PGBD5: variants seen among roughly 807,000 people sequenced by gnomAD.
PGBD5 encodes the protein piggyBac transposable element derived 5.
PGBD5 carries 14 observed loss-of-function variants against 47.9 expected under a neutral mutation model. The observed-to-expected ratio is 0.29, with a 90% confidence interval of 0.19 to 0.46. The LOEUF (loss-of-function observed/expected upper bound fraction) is 0.46. Among genes scored for constraint, PGBD5 ranks in the 20% least tolerant of loss-of-function variants. The probability of loss-of-function intolerance (pLI) is 1.00; values close to 1 mark genes in which losing one functional copy is unlikely to be tolerated. For missense variants in PGBD5, 635 were observed against 716.0 expected, an observed-to-expected ratio of 0.89 and a Z score of 1.29; for synonymous variants, 316 against 306.3, an observed-to-expected ratio of 1.03 and a Z score of -0.33.
At chr1:230,413,821 A>G (rs1261246644) in intron 1 of PGBD5, among the ~76,000 whole-genome samples, 1 of 152,144 alleles carries the variant, frequency 6.6e-6, no homozygotes, top group Non-Finnish European at 1.5e-5. Context: ...ACCAGGAGTT[A>G]TGCTGTTTGA....
intron 5 of PGBD5, among the ~76,000 whole-genome samples, chr1:230,330,675 G>A (rs1006992721): frequency 6.6e-6 from 1 of 152,200 alleles, no homozygotes; most frequent in African/African-American, 2.4e-5. Flanking sequence ...CACCTGAAGT[G>A]CTCACTGAGC....
chr1:230,354,461 A>G (rs1442620441), intron 2 of PGBD5, among the ~76,000 whole-genome samples: 1 of 152,220 alleles, frequency 6.6e-6, no homozygotes, highest in Non-Finnish European at 1.5e-5. Context: ...GAGGCCAGAG[A>G]GCAAGGGAGT....
chr1:230,406,160 T>G (rs963059694), intron 1 of PGBD5, among the ~76,000 whole-genome samples: 15 of 151,748 alleles, frequency 9.9e-5, no homozygotes, highest in Non-Finnish European at 2.1e-4. Flanking sequence ...TACAAAAAAT[T>G]AGCCGGGCAT....
chr1:230,368,132 G>A (rs763909499), intron 1 of PGBD5: 2 of 1,367,914 alleles, frequency 1.5e-6, no homozygotes, highest in East Asian at 4.5e-5. Flanking sequence ...AGATGGTGGT[G>A]GTGAGGAGGA....
In PGBD5 at chr1:230,316,815, G is replaced by A. The variant is rs79237194; in HGVS notation, c.*6610C>T. The A allele has an allele frequency of 6.6e-6, 1 of 152,308 alleles. No individual in the cohort carries two copies. The highest frequency in any genetic ancestry group is 1.5e-5 in the Non-Finnish European group (1 of 68,060). The allele number at this position is 152,308 out of a possible 1,614,324, so 9.4% of individuals were successfully genotyped here. A position where few individuals can be genotyped will look rare whatever the true frequency, so the allele number is the denominator to read the frequency against. ...TAAACTTATTCATGTTTAAGAGCTA[G>A]AGCCTTCCTTTTGGCTTGGGCATGA... is the stretch of plus-strand genomic sequence containing the variant. On this transcript the variant is annotated 3_prime_UTR_variant, in exon 7 of 7. Coordinates refer to ENST00000391860, the MANE Select transcript of PGBD5 (RefSeq NM_001258311.2).
At chr1:230,411,508 A>C (rs1385681815) in intron 1 of PGBD5, among the ~76,000 whole-genome samples, 2 of 152,250 alleles carry the variant, frequency 1.3e-5, no homozygotes, top group Non-Finnish European at 1.5e-5. Flanking sequence ...AATCAGAAAA[A>C]GTCACCATGA....
chr1:230,400,063 C>T (rs1470037837), intron 1 of PGBD5, among the ~76,000 whole-genome samples: 1 of 152,238 alleles, frequency 6.6e-6, no homozygotes, highest in Admixed American at 6.5e-5. Flanking sequence ...AAAATGCAAG[C>T]CAAGTTCTTC....
At chr1:230,423,552 C>T (rs1460727200) in intron 1 of PGBD5, among the ~76,000 whole-genome samples, 1 of 152,196 alleles carries the variant, frequency 6.6e-6, no homozygotes, top group Non-Finnish European at 1.5e-5. Context: ...TGACCAAACC[C>T]ACACTTCTGC....
intron 3 of PGBD5, among the ~76,000 whole-genome samples, chr1:230,339,331 G>A (rs919346580): frequency 1.3e-5 from 2 of 152,230 alleles, no homozygotes; most frequent in African/African-American, 4.8e-5. Context: ...TGTCAGTGAG[G>A]ATGTAGGGAA....
intron 1 of PGBD5, among the ~76,000 whole-genome samples, chr1:230,385,125 G>A (rs1489241333): frequency 6.6e-6 from 1 of 152,100 alleles, no homozygotes; most frequent in Non-Finnish European, 1.5e-5. Flanking sequence ...CAGCGTTGGG[G>A]CTGAAATTTC....
chr1:230,334,163 T>G (rs1667266228), intron 4 of PGBD5, among the ~76,000 whole-genome samples: 1 of 152,214 alleles, frequency 6.6e-6, no homozygotes, highest in African/African-American at 2.4e-5. Flanking sequence ...TTCCTTTCCT[T>G]GTGGCAGGTG....
chr1:230,316,869 T>G lies in PGBD5; in HGVS notation c.*6556A>C, dbSNP rs752047787. 2.0e-5 allele frequency: 3 copies of G among 152,274 alleles called. No individual in the cohort carries two copies. Among genetic ancestry groups the G allele is most frequent in the Non-Finnish European group, 4.4e-5 (3 of 68,060 alleles). The allele number at this position is 152,274 out of a possible 1,614,324, so 9.4% of individuals were successfully genotyped here. A position where few individuals can be genotyped will look rare whatever the true frequency, so the allele number is the denominator to read the frequency against. Reference sequence around the variant, plus strand: ...CTCGGATAGCTGGGAACACCGTCCCTGCTCATGTTTGGGGCGTGCTCCCCA... The same window carrying G: ...CTCGGATAGCTGGGAACACCGTCCCGGCTCATGTTTGGGGCGTGCTCCCCA... On this transcript the variant is annotated 3_prime_UTR_variant, in exon 7 of 7. Coordinates refer to ENST00000391860, the MANE Select transcript of PGBD5 (RefSeq NM_001258311.2).
At chr1:230,403,173 C>A (rs977052163) in intron 1 of PGBD5, among the ~76,000 whole-genome samples, 1 of 152,240 alleles carries the variant, frequency 6.6e-6, no homozygotes, top group Non-Finnish European at 1.5e-5. Context: ...GACCAAAGCA[C>A]ACCCCATTCA....
chr1:230,347,778 C>G (rs1667498195), intron 3 of PGBD5, among the ~76,000 whole-genome samples: 1 of 152,152 alleles, frequency 6.6e-6, no homozygotes, highest in Non-Finnish European at 1.5e-5. Context: ...AGAAAGTTAC[C>G]TGGTCAGCTG....
At chr1:230,409,798 T>G (rs572549944) in intron 1 of PGBD5, among the ~76,000 whole-genome samples, 1 of 151,958 alleles carries the variant, frequency 6.6e-6, no homozygotes, top group East Asian at 1.9e-4. Flanking sequence ...ATAAAGCTGT[T>G]ACTAAAAAAA....
chr1:230,387,944 G>T (rs1186243852), intron 1 of PGBD5, among the ~76,000 whole-genome samples: 1 of 152,142 alleles, frequency 6.6e-6, no homozygotes, highest in African/African-American at 2.4e-5. Flanking sequence ...CAAAGGAGGG[G>T]CTGTGTATTT....
At chr1:230,395,325 A>G (rs1269750503) in intron 1 of PGBD5, among the ~76,000 whole-genome samples, 1 of 21,444 alleles carries the variant, frequency 4.7e-5, no homozygotes, top group Non-Finnish European at 8.4e-5. Flanking sequence ...CTCTCCTCAC[A>G]CTCCTCCCCA....
At chr1:230,377,733 G>A in intron 1 of PGBD5, 4 of 1,417,958 alleles carry the variant, frequency 2.8e-6, no homozygotes, top group Non-Finnish European at 3.7e-6. Flanking sequence ...GAGTCATTGT[G>A]AGAATAAAAT....
intron 1 of PGBD5, among the ~76,000 whole-genome samples, chr1:230,379,777 T>A (rs552541751): frequency 2.6e-5 from 4 of 152,362 alleles, no homozygotes; most frequent in African/African-American, 9.6e-5. Context: ...TTACCAACCA[T>A]GTCCTCTACA....
Sources: gnomAD v4.1 joint callset for allele counts (sites outside exome capture counted in the v4.1 genomes callset) on GRCh38, gnomAD v4.1.1 for gene constraint, MANE v1.5 for transcripts, NCBI Gene and HGNC (gene_info 2026-07-23, HGNC 2026-07-21) for gene names.